Variants in CENPP observed in about 807,000 individuals in gnomAD.
CENPP encodes centromere protein P.
In CENPP, 24 loss-of-function variants were observed where a neutral mutation model predicts 35.6. The ratio of observed to expected loss-of-function variants is 0.67; its 90% confidence interval spans 0.49 to 0.95. The LOEUF is 0.95. Ranked by LOEUF, CENPP falls within the 40% of genes least tolerant of loss-of-function variation. The pLI is 0.00. For missense variants in CENPP, 332 were observed against 345.3 expected (o/e 0.96, Z 0.31); for synonymous variants, 120 against 125.5 (o/e 0.96, Z 0.29).
At chr9:92,457,009 T>G in intron 5 of CENPP, 1 of 1,148,416 alleles carries the variant, frequency 8.7e-7, no homozygotes, top group Non-Finnish European at 1.1e-6. Context: ...CTTACTTTTT[T>G]GTTATGAAGA....
chr9:92,602,495 A>G (rs1205148862), intron 5 of CENPP, among the ~76,000 whole-genome samples: 1 of 152,204 alleles, frequency 6.6e-6, no homozygotes, highest in African/African-American at 2.4e-5. Flanking sequence ...CAGCATGGAT[A>G]TGCAGCGTTA....
chr9:92,604,809 G>C (rs1851028515), intron 5 of CENPP, among the ~76,000 whole-genome samples: 1 of 152,198 alleles, frequency 6.6e-6, no homozygotes, highest in East Asian at 1.9e-4. Flanking sequence ...GGCCAGGCTG[G>C]TCTCAAACTC....
At chr9:92,545,633 C>A (rs1489695746) in intron 5 of CENPP, among the ~76,000 whole-genome samples, 1 of 152,214 alleles carries the variant, frequency 6.6e-6, no homozygotes, top group Non-Finnish European at 1.5e-5. Flanking sequence ...GGAGTGCGGG[C>A]ACAGGGCGCG....
At chr9:92,442,518 A>G (rs751193813) in intron 5 of CENPP, among the ~76,000 whole-genome samples, 10 of 152,134 alleles carry the variant, frequency 6.6e-5, no homozygotes, top group Non-Finnish European at 4.4e-5. Flanking sequence ...ATATTAACAG[A>G]ATAAAGGAAA....
intron 4 of CENPP, among the ~76,000 whole-genome samples, chr9:92,378,039 C>T (rs984588958): frequency 6.6e-6 from 1 of 152,158 alleles, no homozygotes; most frequent in Admixed American, 6.5e-5. Flanking sequence ...GTGCAGCTGC[C>T]ATGCTGGTTG....
At chr9:92,457,163 A>G in intron 5 of CENPP, 2 of 1,430,912 alleles carry the variant, frequency 1.4e-6, no homozygotes, top group Non-Finnish European at 1.8e-6. Flanking sequence ...AAGTCAGTGG[A>G]CTTACCACTT....
At chr9:92,432,691 C>T (rs879317504) in intron 5 of CENPP, among the ~76,000 whole-genome samples, 5 of 152,154 alleles carry the variant, frequency 3.3e-5, no homozygotes, top group Non-Finnish European at 7.3e-5. Context: ...ATTATATACA[C>T]GATTAAAAAA....
intron 5 of CENPP, among the ~76,000 whole-genome samples, chr9:92,502,912 A>G (rs1285119336): frequency 6.7e-6 from 1 of 149,272 alleles, no homozygotes; most frequent in Non-Finnish European, 1.5e-5. Flanking sequence ...GGCTCAAGTG[A>G]TCCTACCACC....
intron 5 of CENPP, chr9:92,509,858 A>G: frequency 7.6e-6 from 12 of 1,573,300 alleles, no homozygotes; most frequent in Non-Finnish European, 9.4e-6. Context: ...TATAGGAAAG[A>G]TTATAAGGAA....
At position 92,417,014 on chromosome 9, in the gene CENPP, A is replaced by G. The variant is rs1331456765; in HGVS notation, c.564+37155A>G. The G allele has an allele frequency of 1.1e-5, 17 of 1,613,996 alleles. No homozygotes were observed. The highest frequency in any genetic ancestry group is 4.5e-5 in the East Asian group (2 of 44,862). On this transcript the variant is annotated intron_variant, in intron 5 of 7. Coordinates refer to ENST00000375587, the MANE Select transcript of CENPP (RefSeq NM_001012267.3). ...CATGGTCAAGTTTACTAGCCCATCC[A>G]TAGCATTTGTCTGCAGTTTGGAGAT... is the stretch of plus-strand genomic sequence containing the variant.
chr9:92,388,436 A>T (rs1842526450), intron 5 of CENPP, among the ~76,000 whole-genome samples: 1 of 152,054 alleles, frequency 6.6e-6, no homozygotes, highest in African/African-American at 2.4e-5. Context: ...TGCTGGGATT[A>T]TAGGCGTGAG....
rs956678665 is a variant in CENPP at position 92,619,005 on chromosome 9, G to C, written c.*5856G>C. Reference sequence around the variant, plus strand: ...CAAAACTAGTGACATTAGGGAGAGGGGCGGCACATAGGCTGGTTATTCAGA... The same window carrying C: ...CAAAACTAGTGACATTAGGGAGAGGCGCGGCACATAGGCTGGTTATTCAGA... On this transcript the variant is annotated 3_prime_UTR_variant, in exon 8 of 8. Transcript: ENST00000375587. The C allele has an allele frequency of 8.2e-6, 2 of 244,330 alleles. No individual in the cohort carries two copies. Among genetic ancestry groups the C allele is most frequent in the Non-Finnish European group, 8.1e-6 (1 of 123,784 alleles). 15.1% of individuals were successfully genotyped at this position (244,330 alleles called of 1,614,324 possible). A position where few individuals can be genotyped will look rare whatever the true frequency, so the allele number is the denominator to read the frequency against.
intron 5 of CENPP, among the ~76,000 whole-genome samples, chr9:92,556,162 G>A (rs911026985): frequency 6.6e-6 from 1 of 152,112 alleles, no homozygotes; most frequent in African/African-American, 2.4e-5. Flanking sequence ...TCATTCAGGA[G>A]CAGGTTATTT....
chr9:92,470,872 T>C lies in CENPP; in HGVS notation c.564+91013T>C, dbSNP rs140513533. The stretch of plus-strand genomic sequence containing the variant: ...AGAAATATACATTTTTTAAAACCCA[T>C]GATTATCATCAAGTTACAGATGACT... On this transcript the variant is annotated intron_variant, in intron 5 of 7. Coordinates refer to ENST00000375587, the MANE Select transcript of CENPP (RefSeq NM_001012267.3). The C allele has an allele frequency of 2.4e-4, 194 of 801,334 alleles. 1 individual carries two copies. The African/African-American group carries it at 3.1e-3, about 13-fold the overall frequency. 49.6% of individuals were successfully genotyped at this position (801,334 alleles called of 1,614,324 possible). A position where few individuals can be genotyped will look rare whatever the true frequency, so the allele number is the denominator to read the frequency against.
chr9:92,417,787 C>T (rs977849991), intron 5 of CENPP, among the ~76,000 whole-genome samples: 2 of 152,062 alleles, frequency 1.3e-5, no homozygotes, highest in African/African-American at 2.4e-5. Context: ...GGCACAATCT[C>T]GGCTCACTGC....
Position 92,604,015 on chromosome 9 carries a change from ACTAATGATCGTTTG to A in CENPP, c.565-7297_565-7284del, listed in dbSNP as rs1851002353. ...TGCTGCTCCCAGTTTTGGCGCTCTT[ACTAATGATCGTTTG>A]CATGCAGTTTTTTTGTATGGACATG... On this transcript the variant is annotated intron_variant, in intron 5 of 7. Transcript: ENST00000375587. 2.0e-5 allele frequency among the ~76,000 whole-genome samples: 3 copies of A among 152,202 alleles called. No homozygotes were observed. In the South Asian group the frequency reaches 6.2e-4, roughly 31 times the overall value.
chr9:92,444,707 A>G (rs1844507431), intron 5 of CENPP, among the ~76,000 whole-genome samples: 1 of 152,152 alleles, frequency 6.6e-6, no homozygotes, highest in African/African-American at 2.4e-5. Flanking sequence ...TATTAAAGTA[A>G]TGTTGGGGGT....
intron 5 of CENPP, among the ~76,000 whole-genome samples, chr9:92,538,427 A>G (rs1166122165): frequency 1.3e-5 from 2 of 152,236 alleles, no homozygotes; most frequent in Non-Finnish European, 1.5e-5. Flanking sequence ...GACTTTTACT[A>G]TGTTCTTTTA....
intron 4 of CENPP, among the ~76,000 whole-genome samples, chr9:92,365,662 G>C (rs1152760): frequency 0.89 from 135,333 of 151,598 alleles, 60,565 homozygotes; most frequent in African/African-American, 0.95. Context: ...CCACCCGTCT[G>C]GGCCTCACAA....
Sources: allele counts gnomAD v4.1 joint callset (sites outside exome capture counted in the v4.1 genomes callset), GRCh38; gene constraint gnomAD v4.1.1; transcripts MANE v1.5; gene names NCBI Gene and HGNC (gene_info 2026-07-23, HGNC 2026-07-21).